FAM234B: variants seen among roughly 807,000 people sequenced by gnomAD.
FAM234B encodes protein FAM234B.
In FAM234B, 33 loss-of-function variants were observed where a neutral mutation model predicts 69.3. That is an observed-to-expected ratio of 0.48 (90% CI 0.36 to 0.64). The LOEUF is 0.64. FAM234B is among the 30% of genes least tolerant of loss of function. The probability of loss-of-function intolerance (pLI) is 0.00; values close to 1 mark genes in which losing one functional copy is unlikely to be tolerated. For synonymous variants in FAM234B, 306 were observed against 306.9 expected (o/e 1.00, Z 0.03); for missense variants, 697 against 769.7 (o/e 0.91, Z 1.12).
chr12:13,071,261 C>T lies in FAM234B; in HGVS notation c.1389C>T (p.Asp463=), dbSNP rs763118539. The change falls in exon 10 of 13, where the codon GAC becomes GAT. Residue 463 remains aspartate (D), a synonymous_variant. Coordinates refer to ENST00000197268, the MANE Select transcript of FAM234B (RefSeq NM_020853.2). ...GMKKMMVVDG[D]SGSIVWSYRA... Reference sequence around the variant, plus strand: ...TGTAGATGATGGTTGTGGATGGTGACTCTGGCTCCATTGTTTGGAGTTACC... The same window carrying T: ...TGTAGATGATGGTTGTGGATGGTGATTCTGGCTCCATTGTTTGGAGTTACC... The T allele has an allele frequency of 1.9e-6, 3 of 1,614,126 alleles. No homozygotes were observed. The highest frequency in any genetic ancestry group is 8.5e-7 in the Non-Finnish European group (1 of 1,180,018).
At chr12:13,048,812 C>T (rs1221922471) in intron 1 of FAM234B, among the ~76,000 whole-genome samples, 5 of 152,214 alleles carry the variant, frequency 3.3e-5, no homozygotes, top group African/African-American at 1.2e-4. Context: ...TCTTACAGTT[C>T]TGTGTGCCTA....
intron 1 of FAM234B, among the ~76,000 whole-genome samples, chr12:13,047,627 T>G (rs1422607362): frequency 6.6e-6 from 1 of 152,264 alleles, no homozygotes; most frequent in Non-Finnish European, 1.5e-5. Context: ...TCAGTCTTCC[T>G]AAGAGGAAAA....
In FAM234B at chr12:13,080,627, C is replaced by G. The variant is rs192853755; in HGVS notation, c.1866C>G (p.Ile622Met). Residue 622 changes from isoleucine to methionine, a missense_variant and splice_region_variant, in exon 13 of 13, where the codon ATC becomes ATG. Around this residue, in one of 3 missense-constraint regions of FAM234B, gnomAD observed 313 missense variants for 305.5 expected, o/e 1.02. Transcript: ENST00000197268. The stretch of plus-strand genomic sequence containing the variant: ...TCACGATAACTCTTTTTCCATAGAT[C>G]TAATCTGATGGAATCTTCAGTTGCA... ...RIKFVEAPYE[I>M] 174 of 1,605,246 alleles carry G rather than the reference C, an allele frequency of 1.1e-4. No individual in the cohort carries two copies. The East Asian group carries it at 3.8e-3, about 35-fold the overall frequency.
At chr12:13,069,800 C>T (rs905658854) in intron 9 of FAM234B, among the ~76,000 whole-genome samples, 2 of 152,128 alleles carry the variant, frequency 1.3e-5, no homozygotes, top group Non-Finnish European at 2.9e-5. Context: ...GCGTTGGAGG[C>T]CACAGGGCTA....
intron 11 of FAM234B, among the ~76,000 whole-genome samples, chr12:13,076,683 C>T (rs1591603241): frequency 6.6e-6 from 1 of 152,264 alleles, no homozygotes; most frequent in Non-Finnish European, 1.5e-5. Flanking sequence ...TCTGGCCACT[C>T]ATAACCACTA....
intron 10 of FAM234B, among the ~76,000 whole-genome samples, chr12:13,072,665 G>A (rs1865118849): frequency 6.6e-6 from 1 of 151,704 alleles, no homozygotes; most frequent in Non-Finnish European, 1.5e-5. Context: ...GGGAGGCAGA[G>A]GTTGCAGTGA....
chr12:13,050,353 A>G (rs1269123423), intron 1 of FAM234B, among the ~76,000 whole-genome samples: 2 of 152,040 alleles, frequency 1.3e-5, no homozygotes, highest in South Asian at 2.1e-4. Flanking sequence ...TGGCTTCTGT[A>G]TCCTGACTGG....
chr12:13,055,996 C>G (rs370275804), intron 2 of FAM234B, 50 bp downstream of exon 2: 2 of 1,470,378 alleles, frequency 1.4e-6, no homozygotes, highest in Non-Finnish European at 1.8e-6. Flanking sequence ...CATGCTATGT[C>G]TGATTACATT....
At chr12:13,061,387 G>A (rs549473140) in intron 3 of FAM234B, among the ~76,000 whole-genome samples, 188 bp from the exon 4 acceptor site, 3 of 152,340 alleles carry the variant, frequency 2.0e-5, no homozygotes, top group South Asian at 2.1e-4. Context: ...CATGAGAAGC[G>A]TGTTCAGCAA....
chr12:13,047,737 T>C (rs529366510), intron 1 of FAM234B, among the ~76,000 whole-genome samples: 1 of 152,324 alleles, frequency 6.6e-6, no homozygotes, highest in African/African-American at 2.4e-5. Context: ...ATTTGGGTGG[T>C]GGCTGAAAGT....
At chr12:13,050,321 T>C (rs915011563) in intron 1 of FAM234B, among the ~76,000 whole-genome samples, 7 of 152,334 alleles carry the variant, frequency 4.6e-5, no homozygotes, top group African/African-American at 1.7e-4. Flanking sequence ...TATGTTAAAC[T>C]TGTCCTCTTT....
intron 1 of FAM234B, among the ~76,000 whole-genome samples, chr12:13,053,138 TC>T (rs1864892992): frequency 6.6e-6 from 1 of 152,162 alleles, no homozygotes; most frequent in African/African-American, 2.4e-5. Context: ...AAAAATCAAG[TC>T]TAATATTTAT....
At chr12:13,052,213 G>T (rs1449952461) in intron 1 of FAM234B, among the ~76,000 whole-genome samples, 2 of 152,144 alleles carry the variant, frequency 1.3e-5, no homozygotes, top group Non-Finnish European at 1.5e-5. Context: ...TCAGTGTAAA[G>T]AATTGGTTTC....
chr12:13,046,454 T>G (rs564171987), intron 1 of FAM234B, among the ~76,000 whole-genome samples: 30 of 152,008 alleles, frequency 2.0e-4, no homozygotes, highest in African/African-American at 5.1e-4. Context: ...TTGTTTGTTT[T>G]TTTGTTTGTT....
In FAM234B at chr12:13,044,521, G is replaced by A. The variant is rs1864780302; in HGVS notation, c.37+81G>A. On this transcript the variant is annotated intron_variant, in intron 1 of 12. Transcript: ENST00000197268. The surrounding 1 kb of genome is among the most constrained non-coding windows in gnomAD (Gnocchi z 5.6). ...AGGCGAGGCTCTGGGGGCGAGGCCG[G>A]TCGGGCCCTGGCCTCAACCCAGACT... The A allele has an allele frequency of 2.0e-6, 3 of 1,474,566 alleles. No individual in the cohort carries two copies. Among genetic ancestry groups the A allele is most frequent in the African/African-American group, 2.8e-5 (2 of 71,726 alleles). The allele number at this position is 1,474,566 out of a possible 1,614,324, so 91.3% of individuals were successfully genotyped here.
intron 1 of FAM234B, among the ~76,000 whole-genome samples, chr12:13,046,149 T>TG (rs1334808221): frequency 1.1e-5 from 1 of 94,332 alleles, no homozygotes; most frequent in Non-Finnish European, 2.0e-5. Context: ...AATGTTCACT[T>TG]GCGTCTACGG....
At chr12:13,050,454 C>T (rs994783612) in intron 1 of FAM234B, among the ~76,000 whole-genome samples, 2 of 152,176 alleles carry the variant, frequency 1.3e-5, no homozygotes, top group Non-Finnish European at 2.9e-5. Context: ...TACTTTTCCT[C>T]ATTCGGTCCT....
chr12:13,073,319 C>T (rs373524338), intron 10 of FAM234B, among the ~76,000 whole-genome samples: 3 of 152,230 alleles, frequency 2.0e-5, no homozygotes, highest in South Asian at 2.1e-4. Context: ...TTAGCCTTAA[C>T]GTCAACATAA....
intron 2 of FAM234B, among the ~76,000 whole-genome samples, chr12:13,057,303 A>C (rs1466960153): frequency 6.6e-6 from 1 of 152,026 alleles, no homozygotes; most frequent in African/African-American, 2.4e-5. Flanking sequence ...TGTGCCACTT[A>C]ATTTTTTGAA....
Sources: gnomAD v4.1 joint callset for allele counts (sites outside exome capture counted in the v4.1 genomes callset) on GRCh38, gnomAD v4.1.1 for gene constraint, gnomAD v4.1.1 regional missense constraint, Gnocchi (gnomAD v3.1) non-coding constraint, MANE v1.5 for transcripts, NCBI Gene and HGNC (gene_info 2026-07-23, HGNC 2026-07-21) for gene names.